SYNPO2: variants seen among roughly 807,000 people sequenced by gnomAD.
SYNPO2 encodes the protein synaptopodin-2.
SYNPO2 carries 56 observed loss-of-function variants against 85.0 expected under a neutral mutation model. That is an observed-to-expected ratio of 0.66 (90% CI 0.53 to 0.82). The LOEUF is 0.82. Among genes scored for constraint, SYNPO2 ranks in the 40% least tolerant of loss-of-function variants. SYNPO2 has a pLI of 0.00. For missense variants in SYNPO2, 1,575 were observed against 1,534.2 expected (o/e 1.03, Z -0.44); for synonymous variants, 602 against 591.1 (o/e 1.02, Z -0.27).
In SYNPO2 at chr4:118,920,897, CT is replaced by C. The variant is rs1327297096; in HGVS notation, c.105+31767del. On this transcript the variant is annotated intron_variant, in intron 1 of 4. Transcript: ENST00000307142. ...TCCACCTGATTTCTTTTCTTTTTTC[CT>C]TTTTTTTTTTCTTGTTAGAGAGAGG... is the stretch of plus-strand genomic sequence containing the variant. Among the ~76,000 whole-genome samples, 337 of 145,524 alleles carry C rather than the reference CT, an allele frequency of 2.3e-3. 1 individual carries two copies. Among genetic ancestry groups the C allele is most frequent in the African/African-American group, 5.4e-3 (214 of 39,906 alleles).
intron 1 of SYNPO2, among the ~76,000 whole-genome samples, chr4:119,013,775 A>G (rs752809730): frequency 6.6e-6 from 1 of 152,334 alleles, no homozygotes; most frequent in African/African-American, 2.4e-5. Flanking sequence ...CAGTGAATCA[A>G]TATTTTCCAA....
chr4:119,015,350 A>G (rs538073025), intron 1 of SYNPO2, among the ~76,000 whole-genome samples: 64 of 152,328 alleles, frequency 4.2e-4, no homozygotes, highest in African/African-American at 1.5e-3. Flanking sequence ...CATTTTACAT[A>G]TATCTTCTTT....
Position 119,031,440 on chromosome 4 carries a change from G to A in SYNPO2, c.2665G>A (p.Asp889Asn), listed in dbSNP as rs922190170. ...GTCGAGAATGGAGAAGTATGTGGTCGATTCAGACACGGTGCAGGCCCACGC... is the reference window on the plus strand; with the variant it reads ...GTCGAGAATGGAGAAGTATGTGGTCAATTCAGACACGGTGCAGGCCCACGC... ...RQSRMEKYVV[D>N]SDTVQAHAAR... Residue 889 changes from aspartate (D) to asparagine (N), a missense_variant, in exon 4 of 5, where the codon GAT (aspartate) becomes AAT (asparagine). Asp to Asn is a conservative substitution (Grantham distance 23). Around this residue, in one of 3 missense-constraint regions of SYNPO2, gnomAD observed 1,508 missense variants for 1,446.8 expected, o/e 1.04. Transcript: ENST00000307142. 4 of 1,614,096 alleles carry A rather than the reference G, an allele frequency of 2.5e-6. No homozygotes were observed. Among genetic ancestry groups the A allele is most frequent in the Admixed American group, 1.7e-5 (1 of 60,008 alleles).
intron 1 of SYNPO2, among the ~76,000 whole-genome samples, chr4:118,925,646 C>T (rs1308719103): frequency 6.6e-6 from 1 of 152,110 alleles, no homozygotes; most frequent in Non-Finnish European, 1.5e-5. Context: ...AAAATCTAAT[C>T]CTAATAGGGT....
chr4:119,035,226 C>T, intron 4 of SYNPO2: 2 of 985,416 alleles, frequency 2.0e-6, no homozygotes, highest in Non-Finnish European at 2.4e-6. Flanking sequence ...AATCATGTGT[C>T]AAACCTCTCT....
In SYNPO2 at chr4:118,958,201, T is replaced by C. The variant is rs72913152; in HGVS notation, c.106-65229T>C. Among the ~76,000 whole-genome samples the C allele has an allele frequency of 2.4e-3, 371 of 152,336 alleles. 1 individual carries two copies. Among genetic ancestry groups the C allele is most frequent in the African/African-American group, 8.6e-3 (356 of 41,576 alleles). Reference sequence around the variant, plus strand: ...TCTCACATCTCAAAAAATATGTGTCTTATGTTCGCATTAGTCCATCCACAT... The same window carrying C: ...TCTCACATCTCAAAAAATATGTGTCCTATGTTCGCATTAGTCCATCCACAT... On this transcript the variant is annotated intron_variant, in intron 1 of 4. Coordinates refer to ENST00000307142, the MANE Select transcript of SYNPO2 (RefSeq NM_133477.3).
At chr4:119,002,626 C>T (rs946637416) in intron 1 of SYNPO2, among the ~76,000 whole-genome samples, 1 of 152,130 alleles carries the variant, frequency 6.6e-6, no homozygotes, top group Non-Finnish European at 1.5e-5. Context: ...CTGCCAGGTG[C>T]ACAGCTATCT....
intron 1 of SYNPO2, among the ~76,000 whole-genome samples, chr4:119,019,461 C>T (rs1459608641): frequency 1.3e-5 from 2 of 152,112 alleles, no homozygotes; most frequent in African/African-American, 4.8e-5. Context: ...TGTCAAATCA[C>T]AGTTTATGAA....
At chr4:118,974,068 G>A (rs1271539527) in intron 1 of SYNPO2, among the ~76,000 whole-genome samples, 1 of 152,210 alleles carries the variant, frequency 6.6e-6, no homozygotes, top group Non-Finnish European at 1.5e-5. Flanking sequence ...TGAAAAGAGA[G>A]TTGAGAATGA....
At chr4:119,033,922 T>C (rs2149193175) in intron 4 of SYNPO2, 1 of 985,446 alleles carries the variant, frequency 1.0e-6, no homozygotes, top group Non-Finnish European at 1.2e-6. Context: ...TTAAGTCAGC[T>C]GCAGAACAAT....
intron 1 of SYNPO2, among the ~76,000 whole-genome samples, chr4:118,908,689 C>T (rs1560851178): frequency 1.3e-5 from 2 of 152,002 alleles, no homozygotes; most frequent in South Asian, 2.1e-4. Context: ...TTGGGAGATA[C>T]GTGAAAATAG....
chr4:118,911,282 T>A (rs1308680059), intron 1 of SYNPO2, among the ~76,000 whole-genome samples: 2 of 152,182 alleles, frequency 1.3e-5, no homozygotes, highest in African/African-American at 2.4e-5. Context: ...CCTAGGTCCA[T>A]TATCAGGGAT....
In SYNPO2 at chr4:119,026,299, A is replaced by G. The variant is rs566241399; in HGVS notation, c.258-328A>G. Among the ~76,000 whole-genome samples the G allele has an allele frequency of 1.7e-3, 257 of 152,342 alleles. 2 individuals carry two copies. Among genetic ancestry groups the G allele is most frequent in the African/African-American group, 6.0e-3 (251 of 41,580 alleles). The stretch of plus-strand genomic sequence containing the variant: ...TGCTTTGTCACATTCTAGCAAACTC[A>G]TTATAAGAGATACCCAGATTCCAAG... On this transcript the variant is annotated intron_variant, in intron 2 of 4. Transcript: ENST00000307142.
intron 1 of SYNPO2, among the ~76,000 whole-genome samples, chr4:118,882,774 G>GT (rs112261966): frequency 0.38 from 55,401 of 147,654 alleles, 11,590 homozygotes; most frequent in South Asian, 0.51. Context: ...ATGCCTGCTA[G>GT]TTTTTTTTTT....
intron 1 of SYNPO2, among the ~76,000 whole-genome samples, chr4:118,977,967 T>C (rs1448520963): frequency 6.6e-6 from 1 of 152,150 alleles, no homozygotes; most frequent in African/African-American, 2.4e-5. Context: ...ACCCAGCAAA[T>C]AGGACCTCAT....
intron 1 of SYNPO2, among the ~76,000 whole-genome samples, chr4:118,952,028 C>T (rs986135576): frequency 2.0e-5 from 3 of 152,076 alleles, no homozygotes; most frequent in African/African-American, 7.2e-5. Context: ...TTTCTCAGTC[C>T]CTTCTGTTAG....
At chr4:118,864,655 T>C (rs1731671339) in intron 1 of SYNPO2, among the ~76,000 whole-genome samples, 1 of 152,198 alleles carries the variant, frequency 6.6e-6, no homozygotes, top group Non-Finnish European at 1.5e-5. Context: ...TTTACAATTG[T>C]TTTAGCCTCC....
chr4:118,936,185 A>G (rs559411694), intron 1 of SYNPO2, among the ~76,000 whole-genome samples: 7 of 152,190 alleles, frequency 4.6e-5, no homozygotes, highest in Admixed American at 1.3e-4. Flanking sequence ...GCTTTGCCAT[A>G]TAACGTAGGT....
chr4:118,900,695 C>CTATATATATA (rs1348622658), intron 1 of SYNPO2, among the ~76,000 whole-genome samples: 2 of 42,074 alleles, frequency 4.8e-5, no homozygotes, highest in Non-Finnish European at 1.1e-4. Flanking sequence ...CTCTCTCTCT[C>CTATATATATA]TCTCTCTCTA....
Sources: gnomAD v4.1 joint callset for allele counts (sites outside exome capture counted in the v4.1 genomes callset) on GRCh38, gnomAD v4.1.1 for gene constraint, gnomAD v4.1.1 regional missense constraint, MANE v1.5 for transcripts, NCBI Gene and HGNC (gene_info 2026-07-23, HGNC 2026-07-21) for gene names.